Variants in SLC16A7 observed in about 807,000 individuals in gnomAD.
The protein encoded by SLC16A7 is monocarboxylate transporter 2.
Under a neutral mutation model 34.9 loss-of-function variants are expected in SLC16A7, and 33 were observed. The observed-to-expected ratio is 0.94, with a 90% CI of 0.72 to 1.26. The LOEUF (loss-of-function observed/expected upper bound fraction) is 1.26. Among genes scored for constraint, SLC16A7 ranks in the 50% most tolerant of loss-of-function variants. SLC16A7 has a pLI of 0.00. For missense variants in SLC16A7, 573 were observed against 578.1 expected (o/e 0.99, Z 0.09); for synonymous variants, 201 against 206.6 (o/e 0.97, Z 0.23).
intron 3 of SLC16A7, among the ~76,000 whole-genome samples, chr12:59,759,453 G>A (rs1004089944): frequency 3.4e-4 from 52 of 152,072 alleles, no homozygotes; most frequent in African/African-American, 1.2e-3. Flanking sequence ...TATCCTTGAA[G>A]TTCTTATTTT....
intron 1 of SLC16A7, among the ~76,000 whole-genome samples, chr12:59,607,673 AAT>A (rs772348927): frequency 2.2e-4 from 34 of 152,216 alleles, no homozygotes; most frequent in Non-Finnish European, 4.0e-4. Flanking sequence ...ATATAACTCT[AAT>A]ATTTTTTTCT....
intron 1 of SLC16A7, among the ~76,000 whole-genome samples, chr12:59,627,144 C>T (rs1879963983): frequency 6.6e-6 from 1 of 151,786 alleles, no homozygotes; most frequent in African/African-American, 2.4e-5. Flanking sequence ...ACTCATATCA[C>T]TTACAATGTG....
At chr12:59,744,083 G>A (rs567671390) in intron 3 of SLC16A7, among the ~76,000 whole-genome samples, 6 of 152,310 alleles carry the variant, frequency 3.9e-5, no homozygotes, top group Admixed American at 1.3e-4. Context: ...ATTATCTTGC[G>A]TAAGATTATT....
intron 3 of SLC16A7, among the ~76,000 whole-genome samples, chr12:59,733,418 G>T (rs1877191410): frequency 6.6e-6 from 1 of 151,978 alleles, no homozygotes; most frequent in African/African-American, 2.4e-5. Context: ...GCTTTTTGTG[G>T]GGTGGGCAGC....
intron 3 of SLC16A7, among the ~76,000 whole-genome samples, chr12:59,728,249 G>A (rs1285845968): frequency 1.3e-5 from 2 of 152,256 alleles, no homozygotes; most frequent in Non-Finnish European, 2.9e-5. Context: ...GGGCCAGGTG[G>A]AAGAGCATGG....
At chr12:59,766,930 G>T (rs1201472301) in intron 3 of SLC16A7, among the ~76,000 whole-genome samples, 2 of 151,984 alleles carry the variant, frequency 1.3e-5, no homozygotes, top group Non-Finnish European at 2.9e-5. Context: ...TTGTACCTCT[G>T]GTAGAATTCA....
At chr12:59,621,642 GT>G (rs1442634652) in intron 1 of SLC16A7, among the ~76,000 whole-genome samples, 6 of 151,692 alleles carry the variant, frequency 4.0e-5, no homozygotes, top group African/African-American at 1.5e-4. Flanking sequence ...ACATAGTTTT[GT>G]TTTGAATTTT....
At position 59,596,523 on chromosome 12, in the gene SLC16A7, C is replaced by G. The variant is rs1182175597; in HGVS notation, c.-130+287C>G. Among the ~76,000 whole-genome samples the G allele has an allele frequency of 1.3e-5, 2 of 152,116 alleles. No individual in the cohort carries two copies. On this transcript the variant is annotated intron_variant, in intron 1 of 5. Coordinates refer to ENST00000547379, the MANE Select transcript of SLC16A7 (RefSeq NM_001270623.2). This position sits in a 1 kb window ranked among gnomAD's most constrained non-coding sequence, Gnocchi z 5.0. ...GCGCGGGGTCCTGGGCAAGGAGCGC[C>G]TCGCGTGCTTTCGGCCAGGAGGTGC...
At chr12:59,602,478 GC>G (rs1878730635) in intron 1 of SLC16A7, among the ~76,000 whole-genome samples, 1 of 102,526 alleles carries the variant, frequency 9.8e-6, no homozygotes. Flanking sequence ...TGTGTTTTGG[GC>G]TTTTTTTTTT....
intron 3 of SLC16A7, among the ~76,000 whole-genome samples, chr12:59,766,423 A>C (rs12317884): frequency 0.037 from 5,642 of 152,172 alleles, 323 homozygotes; most frequent in African/African-American, 0.13. Context: ...TTTAAAGGGA[A>C]TGCTTCCAGT....
chr12:59,606,248 A>T (rs975380152), intron 1 of SLC16A7, among the ~76,000 whole-genome samples: 5 of 152,222 alleles, frequency 3.3e-5, no homozygotes, highest in Admixed American at 6.5e-5. Flanking sequence ...GCTGATATTG[A>T]TGCTGCAAAA....
At chr12:59,605,099 C>T (rs927403888) in intron 1 of SLC16A7, among the ~76,000 whole-genome samples, 3 of 152,186 alleles carry the variant, frequency 2.0e-5, no homozygotes, top group Non-Finnish European at 4.4e-5. Context: ...GATCCTCCCA[C>T]CTCAGCCTCC....
At chr12:59,762,347 T>A (rs1881106698) in intron 3 of SLC16A7, among the ~76,000 whole-genome samples, 1 of 152,122 alleles carries the variant, frequency 6.6e-6, no homozygotes, top group Non-Finnish European at 1.5e-5. Context: ...ATGGAATGTG[T>A]TACGATAAAT....
At chr12:59,778,837 C>T (rs1190771444) in intron 5 of SLC16A7, among the ~76,000 whole-genome samples, 2 of 152,084 alleles carry the variant, frequency 1.3e-5, no homozygotes, top group African/African-American at 4.8e-5. Flanking sequence ...CTAGATTCTA[C>T]CACTAACTAG....
chr12:59,733,695 T>A (rs1033695218), intron 3 of SLC16A7: 4 of 455,824 alleles, frequency 8.8e-6, no homozygotes, highest in Admixed American at 4.7e-5. Flanking sequence ...ATGTTACAAC[T>A]GTTTCAGTCC....
At chr12:59,617,365 T>G (rs2136976124) in intron 1 of SLC16A7, among the ~76,000 whole-genome samples, 1 of 152,146 alleles carries the variant, frequency 6.6e-6, no homozygotes, top group East Asian at 1.9e-4. Context: ...GTTTAGAAAT[T>G]TTCAAGCTTA....
chr12:59,600,448 A>G (rs1490100628), intron 1 of SLC16A7, among the ~76,000 whole-genome samples: 1 of 152,086 alleles, frequency 6.6e-6, no homozygotes, highest in South Asian at 2.1e-4. Context: ...ACTAGCTCTC[A>G]GTGAATAATG....
chr12:59,726,060 AGTGGTTAGATTTCAGAAGCATTTTTTAGT>A (rs1407293669), intron 3 of SLC16A7, among the ~76,000 whole-genome samples: 1 of 152,158 alleles, frequency 6.6e-6, no homozygotes, highest in Non-Finnish European at 1.5e-5. Context: ...AAATTCAGTC[AGTGGTTAGATTTCAGAAGCATTTTTTAGT>A]CTCAATCTCG....
At chr12:59,713,139 C>T (rs749116684) in intron 3 of SLC16A7, among the ~76,000 whole-genome samples, 2 of 152,082 alleles carry the variant, frequency 1.3e-5, no homozygotes, top group Non-Finnish European at 2.9e-5. Context: ...CCCTCCTCAG[C>T]CTCTTGAGTA....
Sources: gnomAD v4.1 joint callset for allele counts (sites outside exome capture counted in the v4.1 genomes callset) on GRCh38, gnomAD v4.1.1 for gene constraint, Gnocchi (gnomAD v3.1) non-coding constraint, MANE v1.5 for transcripts, NCBI Gene and HGNC (gene_info 2026-07-23, HGNC 2026-07-21) for gene names.